The following KCNH2 variants were observed in gnomAD, a reference collection of about 807,000 sequenced individuals.
KCNH2 encodes voltage-gated inwardly rectifying potassium channel KCNH2.
In KCNH2, 35 loss-of-function variants were observed where a neutral mutation model predicts 95.9. That is an observed-to-expected ratio of 0.37 (90% CI 0.28 to 0.48). The LOEUF (loss-of-function observed/expected upper bound fraction) is 0.48. Among genes scored for constraint, KCNH2 ranks in the 20% least tolerant of loss-of-function variants. The probability of loss-of-function intolerance (pLI) is 0.99; values close to 1 mark genes in which losing one functional copy is unlikely to be tolerated. For synonymous variants in KCNH2, 786 were observed against 754.7 expected (o/e 1.04, Z -0.68); for missense variants, 1,274 against 1,702.9 (o/e 0.75, Z 4.43).
intron 10 of KCNH2, 121 bp from the exon 11 acceptor site, chr7:150,948,664 CT>C: frequency 9.0e-7 from 1 of 1,117,160 alleles, no homozygotes; most frequent in Non-Finnish European, 1.3e-6. Flanking sequence ...TGGGAAAACC[CT>C]TCCCTGCCCC....
chr7:150,974,745 C>T lies in KCNH2; in HGVS notation c.273G>A (p.Glu91=), dbSNP rs1433772415. The T allele has an allele frequency of 6.2e-7, 1 of 1,605,506 alleles. No individual in the cohort carries two copies. Among genetic ancestry groups the T allele is most frequent in the Non-Finnish European group, 8.5e-7 (1 of 1,176,828 alleles). Residue 91 remains glutamate (E), a synonymous_variant, in exon 2 of 15, where the codon GAG becomes GAA. Coordinates refer to ENST00000262186, the MANE Select transcript of KCNH2 (RefSeq NM_000238.4). ...GGTAGAAGGCGATTTCCACTTTGCG[C>T]TCCTCGGCGCCCAGCAGTGCCTGCG... ...QIAQALLGAE[E]RKVEIAFYRK...
chr7:150,957,540 G>A lies in KCNH2; in HGVS notation c.917-38C>T, dbSNP rs752766051. The A allele has an allele frequency of 3.3e-6, 5 of 1,523,348 alleles. No individual in the cohort carries two copies. The Admixed American group carries it at 6.8e-5, about 21-fold the overall frequency. 94.4% of individuals were successfully genotyped at this position (1,523,348 alleles called of 1,614,324 possible). A position where few individuals can be genotyped will look rare whatever the true frequency, so the allele number is the denominator to read the frequency against. On this transcript the variant is annotated intron_variant, in intron 4 of 14. Transcript: ENST00000262186. ...GCAGCGTGGTCAGGCCAGCAGCCCAGGGCCCCAGGCCAGGCAGGCCACCCA... is the reference window on the plus strand; with the variant it reads ...GCAGCGTGGTCAGGCCAGCAGCCCAAGGCCCCAGGCCAGGCAGGCCACCCA...
At position 150,945,002 on chromosome 7, in the gene KCNH2, C is replaced by A. The variant is rs1001149610; in HGVS notation, c.*363G>T. ...ATTTATTATTCATAGTCATCAGCAT[C>A]TTCATTAATTATTCATATGATCCTT... On this transcript the variant is annotated 3_prime_UTR_variant, in exon 15 of 15. Transcript: ENST00000262186. The surrounding 1 kb of genome is among the most constrained non-coding windows in gnomAD (Gnocchi z 5.6). 1 of 228,914 alleles carries A rather than the reference C, an allele frequency of 4.4e-6. No homozygotes were observed. Among genetic ancestry groups the A allele is most frequent in the South Asian group, 1.1e-4 (1 of 8,922 alleles). 14.2% of individuals were successfully genotyped at this position (228,914 alleles called of 1,614,324 possible).
intron 2 of KCNH2, among the ~76,000 whole-genome samples, chr7:150,963,473 A>G (rs1801621543): frequency 6.6e-6 from 1 of 152,186 alleles, no homozygotes; most frequent in Admixed American, 6.5e-5. Context: ...AGCTTGAGAC[A>G]GAAGAGAGGC....
In KCNH2 at chr7:150,969,609, C is replaced by G. The variant is rs73167633; in HGVS notation, c.307+5102G>C. 6.6e-5 allele frequency among the ~76,000 whole-genome samples: 10 copies of G among 152,330 alleles called. No individual in the cohort carries two copies. In the East Asian group the frequency reaches 1.9e-3, roughly 29 times the overall value. ...ACTCCCAGGGAAGGCTCCTGCAACG[C>G]AGCACACTGCCCACCCCATTCATTC... On this transcript the variant is annotated intron_variant, in intron 2 of 14. Coordinates refer to ENST00000262186, the MANE Select transcript of KCNH2 (RefSeq NM_000238.4).
chr7:150,947,207 T>C (rs1800928443), intron 13 of KCNH2, 121 bp downstream of exon 13: 4 of 1,135,886 alleles, frequency 3.5e-6, no homozygotes, highest in South Asian at 1.6e-5. Context: ...GGGCTAGGAA[T>C]GGAAGAAGGG....
rs1800844343 is a variant in KCNH2, at chr7:150,945,148, CCA to C, written c.*215_*216del. 1 of 602,966 alleles carries C rather than the reference CCA, an allele frequency of 1.7e-6. No individual in the cohort carries two copies. 37.4% of individuals were successfully genotyped at this position (602,966 alleles called of 1,614,324 possible). ...TAATGCCCTCAGGGCAGTGGGGGGA[CCA>C]CAGGCCCCACCTACTGCCGGCCCTG... On this transcript the variant is annotated 3_prime_UTR_variant, in exon 15 of 15. Coordinates refer to ENST00000262186, the MANE Select transcript of KCNH2 (RefSeq NM_000238.4). This position sits in a 1 kb window ranked among gnomAD's most constrained non-coding sequence, Gnocchi z 5.6.
chr7:150,969,145 G>C (rs954908607), intron 2 of KCNH2, among the ~76,000 whole-genome samples: 2 of 152,150 alleles, frequency 1.3e-5, no homozygotes, highest in Non-Finnish European at 2.9e-5. Context: ...TTCCACGCTG[G>C]GCAGGGAGGG....
rs371864051 is a variant in KCNH2, at chr7:150,952,698, C to G, written c.1284G>C (p.Ser428=). The change falls in exon 6 of 15, where the codon TCG becomes TCC. Residue 428 remains serine (S), a synonymous_variant. Transcript: ENST00000262186. This position sits in a 1 kb window ranked among gnomAD's most constrained non-coding sequence, Gnocchi z 7.3. ...VIYTAVFTPY[S]AAFLLKETEE... The stretch of plus-strand genomic sequence containing the variant: ...CCGTCTCCTTCAGCAGGAAGGCAGC[C>G]GAGTAGGGTGTGAAGACAGCCGTGT... 1 of 1,614,070 alleles carries G rather than the reference C, an allele frequency of 6.2e-7. No homozygotes were observed. Among genetic ancestry groups the G allele is most frequent in the Non-Finnish European group, 8.5e-7 (1 of 1,180,010 alleles).
rs886427965 is a variant in KCNH2 at position 150,947,680 on chromosome 7, G to C, written c.2891C>G (p.Pro964Arg). ...RLVPFSSPRP[P>R]GEPPGGEPLM... Reference sequence around the variant, plus strand: ...GGGCTCCCCACCCGGCGGCTCTCCGGGGGGCCTGGGGCTGGAGAAGGGCAC... The same window carrying C: ...GGGCTCCCCACCCGGCGGCTCTCCGCGGGGCCTGGGGCTGGAGAAGGGCAC... The change falls in exon 12 of 15, where the codon CCC becomes CGC. Residue 964 changes from proline (P) to arginine (R), a missense_variant. By Grantham distance (103) the Pro-to-Arg change is moderately radical (BLOSUM62 -2). Around this residue, in one of 7 missense-constraint regions of KCNH2, gnomAD observed 457 missense variants for 416.1 expected, o/e 1.10. Transcript: ENST00000262186. 3.1e-6 allele frequency: 5 copies of C among 1,602,610 alleles called. 1 individual carries two copies. The South Asian group carries it at 4.5e-5, about 14-fold the overall frequency.
chr7:150,955,317 G>T, intron 5 of KCNH2: 1 of 1,383,088 alleles, frequency 7.2e-7, no homozygotes, highest in African/African-American at 1.4e-5. Context: ...TCCCCAGCCT[G>T]GAGTCAGAGC....
intron 5 of KCNH2, chr7:150,955,357 C>CG (rs41311006): frequency 6.5e-7 from 1 of 1,537,176 alleles, no homozygotes; most frequent in East Asian, 2.4e-5. Context: ...CTCAGTGTGC[C>CG]GGCCCCAGAA....
At chr7:150,950,483 C>T (rs947649540) in intron 8 of KCNH2, 63 bp from the exon 9 acceptor site, 48 of 1,580,452 alleles carry the variant, frequency 3.0e-5, no homozygotes, top group Non-Finnish European at 3.9e-5. Flanking sequence ...CCACACTCTA[C>T]TCCACCATCC....
intron 11 of KCNH2, 151 bp downstream of exon 11, chr7:150,948,293 C>T (rs1012267162): frequency 5.6e-6 from 4 of 710,662 alleles, no homozygotes; most frequent in African/African-American, 3.5e-5. Flanking sequence ...AGATGGGCAG[C>T]ATCTGGACAG....
rs1801436106 is a variant in KCNH2, at chr7:150,958,050, C to T, written c.916+9G>A. ...GGCTGGGGCGGAACGGGTCCCGCGG[C>T]GCCCTCACCGGTGCTGGCGTGGCGC... On this transcript the variant is annotated intron_variant, in intron 4 of 14. Coordinates refer to ENST00000262186, the MANE Select transcript of KCNH2 (RefSeq NM_000238.4). 3 of 1,261,822 alleles carry T rather than the reference C, an allele frequency of 2.4e-6. No individual in the cohort carries two copies. Among genetic ancestry groups the T allele is most frequent in the Non-Finnish European group, 9.9e-7 (1 of 1,007,100 alleles). The allele number at this position is 1,261,822 out of a possible 1,614,324, so 78.2% of individuals were successfully genotyped here.
chr7:150,975,617 C>A (rs1801964534), intron 1 of KCNH2, among the ~76,000 whole-genome samples: 1 of 152,180 alleles, frequency 6.6e-6, no homozygotes, highest in South Asian at 2.1e-4. Context: ...CTCTGACAAC[C>A]CCATAAGGTA....
intron 1 of KCNH2, among the ~76,000 whole-genome samples, chr7:150,975,210 C>G (rs899324890): frequency 2.0e-5 from 3 of 152,008 alleles, no homozygotes; most frequent in Non-Finnish European, 2.9e-5. Flanking sequence ...CGCCAGCAGC[C>G]CGCCGCCTCC....
rs794728366 is a variant in KCNH2 at position 150,952,789 on chromosome 7, C to A, written c.1193G>T (p.Trp398Leu). ...YKLQAPRIHR[W>L]TILHYSPFKA... ...GAAGGGGCTGTAATGCAGGATGGTC[C>A]AGCGGTGGATGCGCGGTGCCTGCAG... is the stretch of plus-strand genomic sequence containing the variant. The change falls in exon 6 of 15, where the codon TGG becomes TTG. Residue 398 changes from tryptophan to leucine, a missense_variant. Physicochemically the swap from Trp to Leu is moderately conservative, Grantham distance 61. This residue lies in a region of KCNH2 where 392 missense variants were observed against 429.9 expected (regional missense o/e 0.91). Coordinates refer to ENST00000262186, the MANE Select transcript of KCNH2 (RefSeq NM_000238.4). This position sits in a 1 kb window ranked among gnomAD's most constrained non-coding sequence, Gnocchi z 7.3. 6.2e-7 allele frequency: 1 copy of A among 1,614,096 alleles called. No individual in the cohort carries two copies. Among genetic ancestry groups the A allele is most frequent in the South Asian group, 1.1e-5 (1 of 91,080 alleles).
At chr7:150,948,415 C>CG in intron 11 of KCNH2, 29 bp downstream of exon 11, 1 of 1,131,406 alleles carries the variant, frequency 8.8e-7, no homozygotes, top group Non-Finnish European at 1.3e-6. Context: ...TGTCCCCGCC[C>CG]TCCCCCTTCC....
Sources: gnomAD v4.1 joint callset for allele counts (sites outside exome capture counted in the v4.1 genomes callset) on GRCh38, gnomAD v4.1.1 for gene constraint, gnomAD v4.1.1 regional missense constraint, Gnocchi (gnomAD v3.1) non-coding constraint, MANE v1.5 for transcripts, NCBI Gene and HGNC (gene_info 2026-07-23, HGNC 2026-07-21) for gene names.